Variants in CSAD observed in about 807,000 individuals in gnomAD.
CSAD encodes the protein P-selectin cytoplasmic tail-associated protein.
CSAD carries 47 observed loss-of-function variants against 61.5 expected under a neutral mutation model. The observed-to-expected ratio is 0.76, with a 90% CI of 0.60 to 0.97. The LOEUF (loss-of-function observed/expected upper bound fraction) is 0.97. Ranked by LOEUF, CSAD falls within the 50% of genes least tolerant of loss-of-function variation. The pLI, the probability that CSAD is intolerant of heterozygous loss-of-function variation, is 0.00. For missense variants in CSAD, 611 were observed against 643.6 expected, an observed-to-expected ratio of 0.95 and a Z score of 0.55; for synonymous variants, 245 against 252.7, an observed-to-expected ratio of 0.97 and a Z score of 0.29.
Position 53,172,426 on chromosome 12 carries a change from C to T in CSAD, c.264G>A (p.Arg88=), listed in dbSNP as rs1204605622. 6.2e-7 allele frequency: 1 copy of T among 1,614,110 alleles called. No homozygotes were observed. Among genetic ancestry groups the T allele is most frequent in the Non-Finnish European group, 8.5e-7 (1 of 1,180,032 alleles). ...IRYSVKTGHP[R]FFNQLFSGLD... ...ACCCAGAGAAGAGCTGGTTGAAGAA[C>T]CGAGGGTGACCTGGAGAAGGAGAGT... The change falls in exon 6 of 17, where the codon CGG becomes CGA. Residue 88 remains arginine (R), a synonymous_variant. Coordinates refer to ENST00000444623, the MANE Select transcript of CSAD (RefSeq NM_001244705.2).
chr12:53,168,157 CA>C (rs1193919383), intron 10 of CSAD, among the ~76,000 whole-genome samples: 1 of 152,178 alleles, frequency 6.6e-6, no homozygotes, highest in African/African-American at 2.4e-5. Flanking sequence ...CCAGAATTCA[CA>C]ACAGGCAAAT....
At chr12:53,180,376 T>C (rs992559537) in intron 1 of CSAD, 1 of 985,004 alleles carries the variant, frequency 1.0e-6, no homozygotes, top group Non-Finnish European at 1.2e-6. Flanking sequence ...GTGACGATGA[T>C]TTTTCAAGGA....
Position 53,173,402 on chromosome 12 carries a change from G to C in CSAD, c.69C>G (p.Ala23=), listed in dbSNP as rs776345213. Residue 23 remains alanine (A), a synonymous_variant, in exon 4 of 17, where the codon GCC becomes GCG. Coordinates refer to ENST00000444623, the MANE Select transcript of CSAD (RefSeq NM_001244705.2). ...CCTCATCCACAACAACCCCAAACAC[G>C]GCCCGGAGCAAGGCTTCCACAGCCA... is the stretch of plus-strand genomic sequence containing the variant. ...DPVAVEALLR[A]VFGVVVDEAI... 6.2e-7 allele frequency: 1 copy of C among 1,614,210 alleles called. No homozygotes were observed. Among genetic ancestry groups the C allele is most frequent in the Non-Finnish European group, 8.5e-7 (1 of 1,180,038 alleles).
At chr12:53,158,803 G>A in intron 16 of CSAD, 119 bp from the exon 17 acceptor site, 1 of 887,368 alleles carries the variant, frequency 1.1e-6, no homozygotes, top group African/African-American at 1.7e-5. Flanking sequence ...ACCTTCTGGG[G>A]GTAGCACACC....
chr12:53,170,229 CAG>C lies in CSAD; in HGVS notation c.648-105_648-104del, dbSNP rs1467374237. The C allele has an allele frequency of 6.0e-6, 7 of 1,171,310 alleles. No individual in the cohort carries two copies. The African/African-American group carries it at 6.0e-5, about 10-fold the overall frequency. 72.6% of individuals were successfully genotyped at this position (1,171,310 alleles called of 1,614,324 possible). The stretch of plus-strand genomic sequence containing the variant: ...GAGACAACAGTGCTAGTTTTTCCCT[CAG>C]GGGGTGAAACAGATCTCAGGGCAGA... On this transcript the variant is annotated intron_variant, in intron 9 of 16. Coordinates refer to ENST00000444623, the MANE Select transcript of CSAD (RefSeq NM_001244705.2).
chr12:53,180,931 GGGGA>G, upstream of CSAD: 1 of 1,057,278 alleles, frequency 9.5e-7, no homozygotes, highest in Non-Finnish European at 1.2e-6. Context: ...GGAAGGGGGA[GGGGA>G]GGGGAGGAGG....
chr12:53,181,084 T>C (rs3134641), upstream of CSAD: 216,640 of 870,858 alleles, frequency 0.25, 31,671 homozygotes, highest in African/African-American at 0.63. Flanking sequence ...CGAGCACGCA[T>C]CTCGCGCGCT....
Position 53,158,314 on chromosome 12 carries a change from T to C in CSAD, c.*197A>G, listed in dbSNP as rs534346765. On this transcript the variant is annotated 3_prime_UTR_variant, in exon 17 of 17. Transcript: ENST00000444623. ...CCATGCTCGGCTAATTTTTGTATTT[T>C]TAGTAGAGACAGGGTTTCACCTTAT... is the stretch of plus-strand genomic sequence containing the variant. The C allele has an allele frequency of 8.7e-4, 381 of 438,712 alleles. 1 individual carries two copies. Among genetic ancestry groups the C allele is most frequent in the Non-Finnish European group, 1.3e-3 (318 of 245,174 alleles). The allele number at this position is 438,712 out of a possible 1,614,324, so 27.2% of individuals were successfully genotyped here.
At chr12:53,177,702 A>G (rs1395357753) in intron 2 of CSAD, among the ~76,000 whole-genome samples, 2 of 152,134 alleles carry the variant, frequency 1.3e-5, no homozygotes. Context: ...GCAATGGCAC[A>G]ATATGGGCTC....
chr12:53,180,736 G>A lies in CSAD; in HGVS notation c.-95C>T. The A allele has an allele frequency of 7.9e-7, 1 of 1,265,294 alleles. No individual in the cohort carries two copies. Among genetic ancestry groups the A allele is most frequent in the Non-Finnish European group, 1.0e-6 (1 of 977,096 alleles). The allele number at this position is 1,265,294 out of a possible 1,614,324, so 78.4% of individuals were successfully genotyped here. A position where few individuals can be genotyped will look rare whatever the true frequency, so the allele number is the denominator to read the frequency against. ...GGTTGGTGTTTGTAAACTTGCCTCG[G>A]TCCCGGTGGGGGCAGCCGCGGCGGT... On this transcript the variant is annotated 5_prime_UTR_variant, in exon 1 of 17. Coordinates refer to ENST00000444623, the MANE Select transcript of CSAD (RefSeq NM_001244705.2).
chr12:53,158,702 G>T lies in CSAD; in HGVS notation c.1309-18C>A. Reference sequence around the variant, plus strand: ...GGGGCCACCTGTGGAAGGGTGGAGAGAGATTCCAGCTGCAGCCTGGGTCGG... The same window carrying T: ...GGGGCCACCTGTGGAAGGGTGGAGATAGATTCCAGCTGCAGCCTGGGTCGG... On this transcript the variant is annotated intron_variant, in intron 16 of 16. Coordinates refer to ENST00000444623, the MANE Select transcript of CSAD (RefSeq NM_001244705.2). 1 of 1,610,680 alleles carries T rather than the reference G, an allele frequency of 6.2e-7. No homozygotes were observed. The highest frequency in any genetic ancestry group is 1.1e-5 in the South Asian group (1 of 90,892).
chr12:53,172,685 G>C, intron 4 of CSAD, 37 bp from the exon 5 acceptor site: 1 of 1,578,018 alleles, frequency 6.3e-7, no homozygotes. Context: ...GGCCTGGGAT[G>C]CCTGTGGACT....
chr12:53,165,571 G>A (rs1387457224), intron 10 of CSAD, among the ~76,000 whole-genome samples: 1 of 149,682 alleles, frequency 6.7e-6, no homozygotes, highest in African/African-American at 2.5e-5. Flanking sequence ...GCTGAAGCAT[G>A]AGAATGGTGT....
intron 2 of CSAD, among the ~76,000 whole-genome samples, chr12:53,175,665 GCA>G (rs1054426322): frequency 2.7e-4 from 41 of 152,282 alleles, no homozygotes; most frequent in African/African-American, 7.9e-4. Context: ...CCAGGGACTT[GCA>G]CAGAGGCATT....
At chr12:53,179,692 C>A in intron 1 of CSAD, 4 of 1,222,184 alleles carry the variant, frequency 3.3e-6, no homozygotes, top group East Asian at 2.4e-5. Context: ...AGTTGAGAAT[C>A]CTTGTCTTTT....
chr12:53,174,307 C>CAA (rs5798236), intron 2 of CSAD, among the ~76,000 whole-genome samples: 1 of 102,916 alleles, frequency 9.7e-6, no homozygotes, highest in Non-Finnish European at 2.2e-5. Flanking sequence ...GACTCCATCT[C>CAA]AAAAAAAAAA....
intron 2 of CSAD, among the ~76,000 whole-genome samples, chr12:53,174,668 C>T (rs910904775): frequency 1.3e-5 from 2 of 151,924 alleles, no homozygotes; most frequent in Non-Finnish European, 2.9e-5. Context: ...GTGGCGGGTG[C>T]CTGTAATCCC....
chr12:53,164,305 C>A (rs186536990), intron 10 of CSAD: 103 of 165,306 alleles, frequency 6.2e-4, no homozygotes, highest in Admixed American at 3.0e-3. Context: ...GTGAAAAGTC[C>A]AATAGCAAAG....
rs1941557111 is a variant in CSAD at position 53,180,856 on chromosome 12, G to A, written c.-215C>T. On this transcript the variant is annotated 5_prime_UTR_variant, in exon 1 of 17. Coordinates refer to ENST00000444623, the MANE Select transcript of CSAD (RefSeq NM_001244705.2). ...CTGGCAGGTAGGAGCAAGCCCCAAA[G>A]ACCGCAGCGTCGTCCGTACAGACGG... 7.9e-7 allele frequency: 1 copy of A among 1,262,822 alleles called. No homozygotes were observed. Among genetic ancestry groups the A allele is most frequent in the African/African-American group, 1.6e-5 (1 of 62,524 alleles). 78.2% of individuals were successfully genotyped at this position (1,262,822 alleles called of 1,614,324 possible).
Sources: allele counts gnomAD v4.1 joint callset (sites outside exome capture counted in the v4.1 genomes callset), GRCh38; gene constraint gnomAD v4.1.1; transcripts MANE v1.5; gene names NCBI Gene and HGNC (gene_info 2026-07-23, HGNC 2026-07-21).